The following COLEC11 variants were observed in gnomAD, a reference collection of about 807,000 sequenced individuals.
The protein encoded by COLEC11 is collectin subfamily member 11.
In COLEC11, 20 loss-of-function variants were observed where a neutral mutation model predicts 27.3. That is an observed-to-expected ratio of 0.73 (90% CI 0.51 to 1.06). The LOEUF (loss-of-function observed/expected upper bound fraction) is 1.06. COLEC11 is among the 50% of genes least tolerant of loss of function. The pLI, the probability that COLEC11 is intolerant of heterozygous loss-of-function variation, is 0.00. For synonymous variants in COLEC11, 163 were observed against 154.7 expected, an observed-to-expected ratio of 1.05 and a Z score of -0.40; for missense variants, 310 against 383.0, an observed-to-expected ratio of 0.81 and a Z score of 1.59.
chr2:3,615,893 C>T (rs1316189564), intron 3 of COLEC11, among the ~76,000 whole-genome samples: 7 of 106,258 alleles, frequency 6.6e-5, no homozygotes, highest in East Asian at 5.9e-4. Context: ...GCTGGCCGGG[C>T]GGGGGCTGCC....
intron 2 of COLEC11, among the ~76,000 whole-genome samples, chr2:3,608,222 T>C (rs1344972796): frequency 6.6e-6 from 1 of 152,214 alleles, no homozygotes; most frequent in Non-Finnish European, 1.5e-5. Flanking sequence ...AAACAGTAAA[T>C]GTCAGCCACG....
At chr2:3,604,762 C>A (rs1270578976) in intron 2 of COLEC11, among the ~76,000 whole-genome samples, 1 of 152,146 alleles carries the variant, frequency 6.6e-6, no homozygotes, top group African/African-American at 2.4e-5. Flanking sequence ...GCACACATGG[C>A]CTCGTGTGAT....
At chr2:3,609,849 A>C (rs1255900929) in intron 2 of COLEC11, among the ~76,000 whole-genome samples, 1 of 152,020 alleles carries the variant, frequency 6.6e-6, no homozygotes, top group Non-Finnish European at 1.5e-5. Context: ...TTTTTTGTAG[A>C]GATGGGGTCT....
chr2:3,596,371 C>T (rs1159396528), intron 1 of COLEC11, among the ~76,000 whole-genome samples: 2 of 137,210 alleles, frequency 1.5e-5, no homozygotes, highest in Admixed American at 1.6e-4. Flanking sequence ...GACTCTGGCT[C>T]TGTCACCCAG....
chr2:3,618,672 A>G (rs1558501996), intron 3 of COLEC11, among the ~76,000 whole-genome samples: 3 of 152,070 alleles, frequency 2.0e-5, no homozygotes. Flanking sequence ...ATGACCTTTT[A>G]TGGTTTTACA....
intron 3 of COLEC11, among the ~76,000 whole-genome samples, chr2:3,635,875 C>T (rs2147950160): frequency 6.6e-6 from 1 of 152,368 alleles, no homozygotes; most frequent in Middle Eastern, 3.4e-3. Context: ...CGGGCCATGT[C>T]ATTTTCATAG....
chr2:3,628,716 C>T (rs776366260), intron 3 of COLEC11, among the ~76,000 whole-genome samples: 5 of 152,210 alleles, frequency 3.3e-5, no homozygotes, highest in Admixed American at 6.5e-5. Flanking sequence ...TAAAAATCAC[C>T]GAGGAAGCTG....
At chr2:3,624,262 G>T (rs569376375) in intron 3 of COLEC11, among the ~76,000 whole-genome samples, 1 of 152,290 alleles carries the variant, frequency 6.6e-6, no homozygotes, top group Admixed American at 6.5e-5. Flanking sequence ...GTGCCTTTGG[G>T]GAGCTGGCAG....
At chr2:3,625,386 T>TCAC (rs1664471833) in intron 3 of COLEC11, among the ~76,000 whole-genome samples, 1 of 151,772 alleles carries the variant, frequency 6.6e-6, no homozygotes, top group Non-Finnish European at 1.5e-5. Flanking sequence ...GGCTGCCTTG[T>TCAC]GGTGGGTGGG....
At chr2:3,601,618 G>A (rs1016611752) in intron 1 of COLEC11, among the ~76,000 whole-genome samples, 2 of 151,964 alleles carry the variant, frequency 1.3e-5, no homozygotes, top group African/African-American at 4.8e-5. Context: ...TTTTTCCCCC[G>A]AGCCATTCTT....
chr2:3,606,294 C>G, intron 2 of COLEC11: 1 of 1,483,796 alleles, frequency 6.7e-7, no homozygotes, highest in South Asian at 1.2e-5. Flanking sequence ...AGGGTCCTTT[C>G]TGGGCGCCGC....
At chr2:3,625,133 A>G (rs1664442716) in intron 3 of COLEC11, among the ~76,000 whole-genome samples, 1 of 152,190 alleles carries the variant, frequency 6.6e-6, no homozygotes, top group Non-Finnish European at 1.5e-5. Flanking sequence ...CCAAGGCGGC[A>G]AGGATTCTCT....
chr2:3,642,763 C>T (rs111489419), intron 5 of COLEC11, among the ~76,000 whole-genome samples: 157 of 152,338 alleles, frequency 1.0e-3, no homozygotes, highest in African/African-American at 3.7e-3. Context: ...ACCATGGCAG[C>T]ACCTGTCCTG....
intron 3 of COLEC11, among the ~76,000 whole-genome samples, chr2:3,627,288 G>A (rs1169206593): frequency 2.1e-5 from 3 of 141,482 alleles, no homozygotes. Context: ...TGTGCATGAC[G>A]ACACTGGGCA....
In COLEC11 at chr2:3,610,182, C is replaced by T. The variant is rs73914511; in HGVS notation, c.131-3129C>T. On this transcript the variant is annotated intron_variant, in intron 2 of 6. Coordinates refer to ENST00000349077, the MANE Select transcript of COLEC11 (RefSeq NM_024027.5). ...GCGTGCCAGCACATCCCAGCTTGGA[C>T]ATGTCACTTGATTCTCGTAGCTGTG... Among the ~76,000 whole-genome samples the T allele has an allele frequency of 6.4e-3, 979 of 152,356 alleles. 11 individuals carry two copies. Among genetic ancestry groups the T allele is most frequent in the African/African-American group, 0.023 (937 of 41,582 alleles).
chr2:3,616,627 C>T (rs61375113), intron 3 of COLEC11, among the ~76,000 whole-genome samples: 5,912 of 152,322 alleles, frequency 0.039, 375 homozygotes, highest in African/African-American at 0.13. Flanking sequence ...GGCATGGCGG[C>T]GCACGCCTGC....
chr2:3,643,772 TGAA>T lies in COLEC11; in HGVS notation c.472_474del (p.Lys158del). 6.2e-7 allele frequency: 1 copy of T among 1,613,570 alleles called. No individual in the cohort carries two copies. The highest frequency in any genetic ancestry group is 8.5e-7 in the Non-Finnish European group (1 of 1,179,930). On this transcript the variant is annotated inframe_deletion, in exon 7 of 7. Coordinates refer to ENST00000349077, the MANE Select transcript of COLEC11 (RefSeq NM_024027.5). Reference sequence around the variant, plus strand: ...ACGGAGAGCAAGATCTACCTGCTGGTGAAGGAGGAGAAGCGCTACGCGGACGCC... The same window carrying T: ...ACGGAGAGCAAGATCTACCTGCTGGTGGAGGAGAAGCGCTACGCGGACGCC...
At chr2:3,626,182 T>C in intron 3 of COLEC11, 1 of 1,056,594 alleles carries the variant, frequency 9.5e-7, no homozygotes, top group East Asian at 2.4e-5. Context: ...CCACATGGCT[T>C]GGACAGAACT....
intron 1 of COLEC11, among the ~76,000 whole-genome samples, chr2:3,598,353 C>T (rs1468184475): frequency 3.3e-5 from 5 of 152,200 alleles, no homozygotes; most frequent in Non-Finnish European, 5.9e-5. Flanking sequence ...TTTGGAAACA[C>T]GGAAACACCA....
Sources: gnomAD v4.1 joint callset for allele counts (sites outside exome capture counted in the v4.1 genomes callset) on GRCh38, gnomAD v4.1.1 for gene constraint, MANE v1.5 for transcripts, NCBI Gene and HGNC (gene_info 2026-07-23, HGNC 2026-07-21) for gene names.